Variants in TMEM109 observed in about 807,000 individuals in gnomAD.
TMEM109 encodes the protein voltage-gated monoatomic cation channel TMEM109.
In TMEM109, 19 loss-of-function variants were observed where a neutral mutation model predicts 26.4. The ratio of observed to expected loss-of-function variants is 0.72; its 90% CI spans 0.50 to 1.06. TMEM109 has a LOEUF of 1.06. Among genes scored for constraint, TMEM109 ranks in the 50% least tolerant of loss-of-function variants. TMEM109 has a pLI of 0.00. For synonymous variants in TMEM109, 129 were observed against 142.0 expected (o/e 0.91, Z 0.65); for missense variants, 262 against 303.4 (o/e 0.86, Z 1.01).
chr11:60,919,908 A>G lies in TMEM109; in HGVS notation c.215A>G (p.Glu72Gly). The G allele has an allele frequency of 6.2e-7, 1 of 1,614,196 alleles. No homozygotes were observed. Among genetic ancestry groups the G allele is most frequent in the Non-Finnish European group, 8.5e-7 (1 of 1,180,010 alleles). The change falls in exon 2 of 4, where the codon GAG (glutamate) becomes GGG (glycine). Residue 72 changes from glutamate to glycine, a missense_variant. Transcript: ENST00000227525. ...ACACTGGATGCCTGGATTGGGCCAG[A>G]GACCATGCACCTGGTGTCAGAGGTA... ...RGTLDAWIGP[E>G]TMHLVSESSS...
Position 60,922,269 on chromosome 11 carries a change from GA to G in TMEM109, c.*106del, listed in dbSNP as rs1856253576. The G allele has an allele frequency of 1.3e-6, 2 of 1,545,332 alleles. No individual in the cohort carries two copies. Among genetic ancestry groups the G allele is most frequent in the African/African-American group, 2.7e-5 (2 of 73,152 alleles). Reference sequence around the variant, plus strand: ...CCTGCCCTTTTCTTGCCCTGTCTCTGAACCTTCAGAACATTGATCCTTGCCG... The same window carrying G: ...CCTGCCCTTTTCTTGCCCTGTCTCTGACCTTCAGAACATTGATCCTTGCCG... On this transcript the variant is annotated 3_prime_UTR_variant, in exon 4 of 4. Coordinates refer to ENST00000227525, the MANE Select transcript of TMEM109 (RefSeq NM_024092.3).
intron 1 of TMEM109, among the ~76,000 whole-genome samples, chr11:60,914,944 G>A (rs994205725): frequency 6.6e-6 from 1 of 152,226 alleles, no homozygotes; most frequent in Admixed American, 6.5e-5. Context: ...CTTCTCGTGT[G>A]GCTGCTGTAT....
At chr11:60,915,236 T>A (rs901136820) in intron 1 of TMEM109, among the ~76,000 whole-genome samples, 4 of 152,236 alleles carry the variant, frequency 2.6e-5, no homozygotes, top group Non-Finnish European at 5.9e-5. Flanking sequence ...ACAAAGCGCT[T>A]GCTGCAGAAA....
At position 60,915,738 on chromosome 11, in the gene TMEM109, C is replaced by G. The variant is rs966888555; in HGVS notation, c.-9+1470C>G. On this transcript the variant is annotated intron_variant, in intron 1 of 3. Transcript: ENST00000227525. ...AAGGAAAGAGAAGAGGAGGAAGGAG[C>G]CTTGATTGGGAGGGGGGGGCGCGAA... 3.3e-5 allele frequency among the ~76,000 whole-genome samples: 5 copies of G among 152,120 alleles called. No individual in the cohort carries two copies. The East Asian group carries it at 9.6e-4, about 29-fold the overall frequency.
At chr11:60,921,015 GC>G (rs760814327) in intron 3 of TMEM109, 27 bp downstream of exon 3, 3 of 1,593,220 alleles carry the variant, frequency 1.9e-6, no homozygotes, top group Non-Finnish European at 2.6e-6. Flanking sequence ...TGGGTAGTCA[GC>G]CAGAGCTTTG....
rs1454392148 is a variant in TMEM109, at chr11:60,922,130, G to A, written c.697G>A (p.Ala233Thr). ...GGAGCTGCGCTGGCGCCAGAGGCGA[G>A]CGGCCAAGGGGGCCCGCAGTGTGGA... ...VEELRWRQRRAAKGARSVEEE is the reference protein window; with the variant it reads ...VEELRWRQRRTAKGARSVEEE Residue 233 changes from alanine to threonine, a missense_variant, in exon 4 of 4, where the codon GCG becomes ACG. Physicochemically the swap from Ala to Thr is moderately conservative, Grantham distance 58. Transcript: ENST00000227525. 2 of 1,607,016 alleles carry A rather than the reference G, an allele frequency of 1.2e-6. No homozygotes were observed. Among genetic ancestry groups the A allele is most frequent in the Non-Finnish European group, 1.7e-6 (2 of 1,177,104 alleles).
rs866063054 is a variant in TMEM109, at chr11:60,921,942, C to G, written c.509C>G (p.Ala170Gly). ...LWGLKLVIFLAGFVALMRSVP... is the reference protein window; with the variant it reads ...LWGLKLVIFLGGFVALMRSVP... ...GGCCTGAAGCTTGTCATCTTCCTGGCCGGCTTCGTGGCCCTGATGAGGTCG... is the reference window on the plus strand; with the variant it reads ...GGCCTGAAGCTTGTCATCTTCCTGGGCGGCTTCGTGGCCCTGATGAGGTCG... Residue 170 changes from alanine (A) to glycine (G), a missense_variant, in exon 4 of 4, where the codon GCC becomes GGC. Physicochemically the swap from Ala to Gly is moderately conservative, Grantham distance 60 (BLOSUM62 0). Coordinates refer to ENST00000227525, the MANE Select transcript of TMEM109 (RefSeq NM_024092.3). 5.6e-6 allele frequency: 9 copies of G among 1,613,954 alleles called. No homozygotes were observed. The Admixed American group carries it at 1.0e-4, about 18-fold the overall frequency.
At position 60,916,341 on chromosome 11, in the gene TMEM109, TATAG is replaced by T. The variant is rs560609757; in HGVS notation, c.-9+2077_-9+2080del. 5.4e-4 allele frequency among the ~76,000 whole-genome samples: 83 copies of T among 152,364 alleles called. 2 individuals carry two copies. In the South Asian group the frequency reaches 0.017, roughly 32 times the overall value. On this transcript the variant is annotated intron_variant, in intron 1 of 3. Transcript: ENST00000227525. The stretch of plus-strand genomic sequence containing the variant: ...AAAATTATTATAACATATGTATATG[TATAG>T]ATATGTATAACATTTGTATTATTAT...
At chr11:60,921,730 C>A in intron 3 of TMEM109, 44 bp from the exon 4 acceptor site, 1 of 1,522,782 alleles carries the variant, frequency 6.6e-7, no homozygotes, top group Admixed American at 1.7e-5. Flanking sequence ...CTCCCCTCAC[C>A]ACTTCTCCAG....
At chr11:60,920,796 T>C (rs979232332) in intron 2 of TMEM109, 90 bp from the exon 3 acceptor site, 7 of 1,141,378 alleles carry the variant, frequency 6.1e-6, no homozygotes, top group Non-Finnish European at 9.2e-6. Context: ...GAGACATTCC[T>C]GCAGTTCTTG....
At position 60,922,278 on chromosome 11, in the gene TMEM109, G is replaced by A; in HGVS notation, c.*113G>A. On this transcript the variant is annotated 3_prime_UTR_variant, in exon 4 of 4. Transcript: ENST00000227525. Reference sequence around the variant, plus strand: ...TTCTTGCCCTGTCTCTGAACCTTCAGAACATTGATCCTTGCCGCAGCCCCA... The same window carrying A: ...TTCTTGCCCTGTCTCTGAACCTTCAAAACATTGATCCTTGCCGCAGCCCCA... 1 of 1,544,486 alleles carries A rather than the reference G, an allele frequency of 6.5e-7. No homozygotes were observed. Among genetic ancestry groups the A allele is most frequent in the Non-Finnish European group, 8.7e-7 (1 of 1,146,798 alleles).
rs978610246 is a variant in TMEM109 at position 60,922,095 on chromosome 11, G to A, written c.662G>A (p.Arg221His). 5 of 1,613,072 alleles carry A rather than the reference G, an allele frequency of 3.1e-6. No homozygotes were observed. Among genetic ancestry groups the A allele is most frequent in the Admixed American group, 1.7e-5 (1 of 59,992 alleles). ...QLEAKVRGLE[R>H]QVEELRWRQR... ...GAGGCCAAGGTGCGAGGGCTGGAAC[G>A]CCAGGTGGAGGAGCTGCGCTGGCGC... Residue 221 changes from arginine (R) to histidine (H), a missense_variant, in exon 4 of 4, where the codon CGC (arginine) becomes CAC (histidine). Physicochemically the swap from Arg to His is conservative, Grantham distance 29. Coordinates refer to ENST00000227525, the MANE Select transcript of TMEM109 (RefSeq NM_024092.3).
Position 60,919,816 on chromosome 11 carries a change from A to T in TMEM109, c.123A>T (p.Pro41=). 1.2e-6 allele frequency: 2 copies of T among 1,614,168 alleles called. No individual in the cohort carries two copies. Among genetic ancestry groups the T allele is most frequent in the Non-Finnish European group, 1.7e-6 (2 of 1,180,026 alleles). Residue 41 remains proline (P), a synonymous_variant, in exon 2 of 4, where the codon CCA becomes CCT. Coordinates refer to ENST00000227525, the MANE Select transcript of TMEM109 (RefSeq NM_024092.3). ...ALAQSRRDFA[P]PGQQKREAPV... ...CCCAGTCCCGTCGAGACTTTGCACC[A>T]CCAGGCCAACAGAAGAGAGAAGCCC...
Position 60,915,285 on chromosome 11 carries a change from C to T in TMEM109, c.-9+1017C>T, listed in dbSNP as rs182685390. On this transcript the variant is annotated intron_variant, in intron 1 of 3. Transcript: ENST00000227525. Reference sequence around the variant, plus strand: ...TACAGCAACTCTTCACCTGGGTTCACTCCCTTTTACGTTTGAGGAGACTGC... The same window carrying T: ...TACAGCAACTCTTCACCTGGGTTCATTCCCTTTTACGTTTGAGGAGACTGC... Among the ~76,000 whole-genome samples, 10 of 152,370 alleles carry T rather than the reference C, an allele frequency of 6.6e-5. No homozygotes were observed. In the East Asian group the frequency reaches 1.9e-3, roughly 29 times the overall value.
chr11:60,918,622 AAGGGGTCAAACTATTTTACTG>A (rs1297184775), intron 1 of TMEM109: 2 of 144,554 alleles, frequency 1.4e-5, no homozygotes, highest in Non-Finnish European at 3.0e-5. Context: ...TTTGGTGGAG[AAGGGGTCAAACTATTTTACTG>A]AGGGGAATGG....
In TMEM109 at chr11:60,919,775, C is replaced by G; in HGVS notation, c.82C>G (p.Leu28Val). 6.2e-7 allele frequency: 1 copy of G among 1,614,190 alleles called. No individual in the cohort carries two copies. Among genetic ancestry groups the G allele is most frequent in the South Asian group, 1.1e-5 (1 of 91,080 alleles). Residue 28 changes from leucine to valine, a missense_variant, in exon 2 of 4, where the codon CTC (leucine) becomes GTC (valine). Coordinates refer to ENST00000227525, the MANE Select transcript of TMEM109 (RefSeq NM_024092.3). ...ILMVLVALIL[L>V]HSALAQSRRD... ...GATGGTCCTAGTGGCCCTTATCCTC[C>G]TCCACTCAGCATTGGCCCAGTCCCG...
At chr11:60,921,144 C>G (rs1425535268) in intron 3 of TMEM109, among the ~76,000 whole-genome samples, 156 bp downstream of exon 3, 1 of 152,206 alleles carries the variant, frequency 6.6e-6, no homozygotes, top group Non-Finnish European at 1.5e-5. Context: ...CAAGAACTAC[C>G]ATGGCCAGGT....
At chr11:60,920,798 C>A in intron 2 of TMEM109, 88 bp from the exon 3 acceptor site, 1 of 1,146,878 alleles carries the variant, frequency 8.7e-7, no homozygotes, top group South Asian at 1.3e-5. Context: ...GACATTCCTG[C>A]AGTTCTTGCC....
intron 1 of TMEM109, among the ~76,000 whole-genome samples, chr11:60,917,648 T>C (rs1398877484): frequency 2.0e-5 from 3 of 152,172 alleles, no homozygotes; most frequent in African/African-American, 4.8e-5. Flanking sequence ...TTTTAACTCA[T>C]GAATAATCTG....
Sources: allele counts gnomAD v4.1 joint callset (sites outside exome capture counted in the v4.1 genomes callset), GRCh38; gene constraint gnomAD v4.1.1; transcripts MANE v1.5; gene names NCBI Gene and HGNC (gene_info 2026-07-23, HGNC 2026-07-21).